Variants in LTBP1 observed in about 807,000 individuals in gnomAD.
LTBP1 encodes the protein latent-transforming growth factor beta-binding protein 1.
In LTBP1, 129 loss-of-function variants were observed where a neutral mutation model predicts 207.6. The observed-to-expected ratio is 0.62, with a 90% CI of 0.54 to 0.72. LTBP1 has a LOEUF of 0.72. Among genes scored for constraint, LTBP1 ranks in the 30% least tolerant of loss-of-function variants. LTBP1 has a pLI of 0.00. For missense variants in LTBP1, 2,281 were observed against 2,217.2 expected, an observed-to-expected ratio of 1.03 and a Z score of -0.58; for synonymous variants, 963 against 833.7, an observed-to-expected ratio of 1.16 and a Z score of -2.67.
chr2:33,201,098 A>G (rs2089195410), intron 7 of LTBP1, among the ~76,000 whole-genome samples: 1 of 152,186 alleles, frequency 6.6e-6, no homozygotes, highest in Admixed American at 6.5e-5. Flanking sequence ...AATTAGAAAT[A>G]CCATTTGACC....
chr2:33,097,571 T>A (rs771027592), intron 3 of LTBP1, among the ~76,000 whole-genome samples: 4 of 152,208 alleles, frequency 2.6e-5, no homozygotes, highest in Non-Finnish European at 4.4e-5. Context: ...AATTCAACTT[T>A]ATTTTGTTTT....
intron 10 of LTBP1, among the ~76,000 whole-genome samples, chr2:33,244,008 T>C (rs2092425657): frequency 6.6e-6 from 1 of 152,160 alleles, no homozygotes; most frequent in South Asian, 2.1e-4. Flanking sequence ...ATATAATAGC[T>C]AAAACTCTGA....
At chr2:33,109,104 C>A (rs966740226) in intron 3 of LTBP1, among the ~76,000 whole-genome samples, 3 of 152,242 alleles carry the variant, frequency 2.0e-5, no homozygotes, top group African/African-American at 7.2e-5. Context: ...CAGCCTAATT[C>A]TAGCCTCTTC....
chr2:33,140,793 G>C (rs532989048), intron 5 of LTBP1, among the ~76,000 whole-genome samples: 1 of 151,598 alleles, frequency 6.6e-6, no homozygotes, highest in South Asian at 2.1e-4. Flanking sequence ...TCGGCCTCTC[G>C]AGTAGCTGGG....
intron 4 of LTBP1, among the ~76,000 whole-genome samples, chr2:33,123,513 A>G (rs1388142382): frequency 6.6e-6 from 1 of 152,172 alleles, no homozygotes; most frequent in South Asian, 2.1e-4. Context: ...CTCTCTTTGA[A>G]AGGGTTTTTC....
At chr2:33,308,302 G>C (rs1180921073) in intron 22 of LTBP1, among the ~76,000 whole-genome samples, 1 of 152,110 alleles carries the variant, frequency 6.6e-6, no homozygotes, top group Non-Finnish European at 1.5e-5. Flanking sequence ...CTCGTTATTG[G>C]TTATGTATAC....
chr2:33,309,924 T>G (rs574780748), intron 23 of LTBP1, among the ~76,000 whole-genome samples: 84 of 151,994 alleles, frequency 5.5e-4, no homozygotes, highest in African/African-American at 1.8e-3. Flanking sequence ...TTTCTGACTC[T>G]ATTTTTATCC....
chr2:33,282,291 C>G (rs2093574594), intron 19 of LTBP1, among the ~76,000 whole-genome samples: 1 of 152,054 alleles, frequency 6.6e-6, no homozygotes, highest in African/African-American at 2.4e-5. Flanking sequence ...CTTTATCTTT[C>G]TGCTTTGGGT....
At chr2:33,228,929 A>G (rs890262732) in intron 9 of LTBP1, among the ~76,000 whole-genome samples, 4 of 151,710 alleles carry the variant, frequency 2.6e-5, no homozygotes, top group Admixed American at 2.0e-4. Context: ...TTGATCTCCC[A>G]ACCTTCTGAT....
chr2:33,217,640 G>A lies in LTBP1; in HGVS notation c.1790G>A (p.Cys597Tyr), dbSNP rs1284816571. The A allele has an allele frequency of 1.9e-6, 3 of 1,613,140 alleles. No individual in the cohort carries two copies. The highest frequency in any genetic ancestry group is 2.5e-6 in the Non-Finnish European group (3 of 1,179,314). ...TGGGGCTTTAACAAATGCCAGAAAT[G>A]CCCCAAGAAACCATGTAAGTAATGT... Reference protein sequence around the residue: ...TSWGFNKCQKCPKKPSYHGYN... With the variant: ...TSWGFNKCQKYPKKPSYHGYN... Residue 597 changes from cysteine to tyrosine, a missense_variant, in exon 8 of 34, where the codon TGC (cysteine) becomes TAC (tyrosine). Cys to Tyr is a radical substitution (Grantham distance 194). Coordinates refer to ENST00000404816, the MANE Select transcript of LTBP1 (RefSeq NM_206943.4).
At chr2:33,296,923 G>T (rs1477205464) in intron 20 of LTBP1, among the ~76,000 whole-genome samples, 3 of 152,122 alleles carry the variant, frequency 2.0e-5, no homozygotes, top group Non-Finnish European at 4.4e-5. Context: ...CAGAGATCAT[G>T]TAGAGAGAAT....
chr2:33,185,202 A>G (rs1272177761), intron 5 of LTBP1, among the ~76,000 whole-genome samples: 3 of 152,182 alleles, frequency 2.0e-5, no homozygotes, highest in Non-Finnish European at 2.9e-5. Context: ...GCTAAGTGTG[A>G]TGAGATTGCA....
chr2:33,319,243 C>T (rs917001375), intron 24 of LTBP1, among the ~76,000 whole-genome samples: 3 of 152,018 alleles, frequency 2.0e-5, no homozygotes, highest in African/African-American at 7.2e-5. Context: ...ACTAAAAATA[C>T]AAAAATTAGC....
At chr2:33,339,681 T>C (rs1045162422) in intron 24 of LTBP1, among the ~76,000 whole-genome samples, 9 of 152,040 alleles carry the variant, frequency 5.9e-5, no homozygotes, top group Non-Finnish European at 1.0e-4. Context: ...GTTTCGCTCT[T>C]GTTGCCCAGT....
intron 3 of LTBP1, among the ~76,000 whole-genome samples, chr2:33,073,280 T>G (rs989233323): frequency 2.8e-4 from 10 of 36,116 alleles, no homozygotes; most frequent in South Asian, 8.4e-3. Context: ...TCACAGTGTT[T>G]TTTTTGTTTT....
At chr2:33,114,841 T>C (rs954282680) in intron 4 of LTBP1, among the ~76,000 whole-genome samples, 9 of 152,124 alleles carry the variant, frequency 5.9e-5, no homozygotes, top group Admixed American at 3.3e-4. Flanking sequence ...CATGAGTTTC[T>C]CAAAAAAGTT....
chr2:33,060,651 C>CTGTGTGTGTG (rs10693285), intron 3 of LTBP1, among the ~76,000 whole-genome samples: 58 of 146,650 alleles, frequency 4.0e-4, no homozygotes, highest in Admixed American at 1.6e-3. Flanking sequence ...AAATTCAGAT[C>CTGTGTGTGTG]TGTGTGTGTG....
Position 32,947,608 on chromosome 2 carries a change from T to G in LTBP1, c.284T>G (p.Leu95Arg). 1.3e-5 allele frequency: 17 copies of G among 1,332,912 alleles called. No individual in the cohort carries two copies. Among genetic ancestry groups the G allele is most frequent in the Non-Finnish European group, 1.6e-5 (17 of 1,048,244 alleles). The allele number at this position is 1,332,912 out of a possible 1,614,324, so 82.6% of individuals were successfully genotyped here. A position where few individuals can be genotyped will look rare whatever the true frequency, so the allele number is the denominator to read the frequency against. The part of the protein sequence containing the change: ...RRTSKPGGAA[L>R]QGLRPPPPPP... ...ACGAGCAAGCCGGGCGGCGCGGCCC[T>G]GCAGGGGCTCAGACCGCCGCCGCCG... is the stretch of plus-strand genomic sequence containing the variant. Residue 95 changes from leucine to arginine, a missense_variant, in exon 1 of 34, where the codon CTG becomes CGG. Physicochemically the swap from Leu to Arg is moderately radical, Grantham distance 102. Around this residue, in one of 3 missense-constraint regions of LTBP1, gnomAD observed 555 missense variants for 491.0 expected, o/e 1.13. Coordinates refer to ENST00000404816, the MANE Select transcript of LTBP1 (RefSeq NM_206943.4).
At chr2:33,004,605 C>G (rs1269183758) in intron 2 of LTBP1, among the ~76,000 whole-genome samples, 1 of 150,908 alleles carries the variant, frequency 6.6e-6, no homozygotes, top group Non-Finnish European at 1.5e-5. Context: ...GAAATCCTGT[C>G]TCTACTAAAA....
Sources: gnomAD v4.1 joint callset for allele counts (sites outside exome capture counted in the v4.1 genomes callset) on GRCh38, gnomAD v4.1.1 for gene constraint, gnomAD v4.1.1 regional missense constraint, MANE v1.5 for transcripts, NCBI Gene and HGNC (gene_info 2026-07-23, HGNC 2026-07-21) for gene names.